The following GABARAPL2 variants were observed in gnomAD, a reference collection of about 807,000 sequenced individuals.
The protein encoded by GABARAPL2 is GABA type A receptor associated protein like 2.
Under a neutral mutation model 16.9 loss-of-function variants are expected in GABARAPL2, and 11 were observed. The ratio of observed to expected loss-of-function variants is 0.65; its 90% CI spans 0.41 to 1.08. GABARAPL2 has a LOEUF of 1.08. Among genes scored for constraint, GABARAPL2 ranks in the 50% least tolerant of loss-of-function variants. GABARAPL2 has a pLI of 0.00. For missense variants in GABARAPL2, 134 were observed against 142.5 expected (o/e 0.94, Z 0.30); for synonymous variants, 57 against 50.7 (o/e 1.12, Z -0.53).
chr16:75,568,998 G>A (rs1400417620), intron 3 of GABARAPL2, among the ~76,000 whole-genome samples: 1 of 152,024 alleles, frequency 6.6e-6, no homozygotes, highest in African/African-American at 2.4e-5. Flanking sequence ...CTGAGTGTGA[G>A]TTTCTGGCCA....
At chr16:75,572,742 T>TAGCTCCATGGCTTG (rs1266841771) in intron 3 of GABARAPL2, 3 of 152,236 alleles carry the variant, frequency 2.0e-5, no homozygotes, top group Admixed American at 6.5e-5. Flanking sequence ...CACCTTAGAT[T>TAGCTCCATGGCTTG]AGCTCCATGG....
At chr16:75,574,424 A>G (rs528083204) in intron 3 of GABARAPL2, among the ~76,000 whole-genome samples, 218 of 152,210 alleles carry the variant, frequency 1.4e-3, no homozygotes, top group Non-Finnish European at 2.6e-3. Context: ...CAGCGGGGAG[A>G]TGTTACGACA....
intron 3 of GABARAPL2, among the ~76,000 whole-genome samples, chr16:75,571,008 A>G (rs1016817811): frequency 3.9e-5 from 6 of 152,244 alleles, no homozygotes; most frequent in Admixed American, 1.3e-4. Flanking sequence ...TAGAACATAG[A>G]TAAGAGTCTT....
intron 3 of GABARAPL2, among the ~76,000 whole-genome samples, chr16:75,570,796 A>G (rs2080909899): frequency 6.6e-6 from 1 of 152,226 alleles, no homozygotes; most frequent in South Asian, 2.1e-4. Flanking sequence ...AGGGAATCAC[A>G]ATGGCCTTTT....
rs553557743 is a variant in GABARAPL2, at chr16:75,566,520, G to GGTAA, written c.34+2_34+5dup. On this transcript the variant is annotated frameshift_variant and splice_region_variant. Transcript: ENST00000037243. LOFTEE classifies it high-confidence loss of function. ...GATGTTCAAGGAGGACCACTCGCTG[G>GGTAA]GTAAGCACTTGGTCGTCGGCCCGGC... is the stretch of plus-strand genomic sequence containing the variant. 3.0e-4 allele frequency: 489 copies of GGTAA among 1,608,674 alleles called. No homozygotes were observed. The African/African-American group carries it at 5.9e-3, about 19-fold the overall frequency.
intron 3 of GABARAPL2, among the ~76,000 whole-genome samples, chr16:75,568,980 C>T (rs2080899963): frequency 6.6e-6 from 1 of 152,188 alleles, no homozygotes. Context: ...CCAGCCCCCA[C>T]CTCTCCCCTG....
At chr16:75,570,424 C>T (rs1325208395) in intron 3 of GABARAPL2, among the ~76,000 whole-genome samples, 3 of 152,194 alleles carry the variant, frequency 2.0e-5, no homozygotes, top group African/African-American at 4.8e-5. Flanking sequence ...ATTTAGCAGC[C>T]TCTTCCTCAG....
At chr16:75,575,399 G>A (rs1157326103) in intron 3 of GABARAPL2, among the ~76,000 whole-genome samples, 1 of 151,600 alleles carries the variant, frequency 6.6e-6, no homozygotes, top group East Asian at 1.9e-4. Flanking sequence ...AGGTTAAAGC[G>A]ATTCTCCGGC....
chr16:75,571,944 C>T (rs1026283581), intron 3 of GABARAPL2, among the ~76,000 whole-genome samples: 2 of 152,182 alleles, frequency 1.3e-5, no homozygotes. Context: ...TCCCAAAGTG[C>T]TGGGATTACA....
chr16:75,572,113 G>C (rs1235011143), intron 3 of GABARAPL2: 1 of 152,138 alleles, frequency 6.6e-6, no homozygotes, highest in Admixed American at 6.6e-5. Context: ...GGTGAGCCAA[G>C]ATCACGCCAC....
Position 75,566,389 on chromosome 16 carries a change from G to C in GABARAPL2, c.-98G>C. On this transcript the variant is annotated 5_prime_UTR_variant, in exon 1 of 4. Transcript: ENST00000037243. ...TCCCGCCTGCCGTGTAGTCGCCGCC[G>C]TCGCTGCCGCTGCCGCTGCCGCCGT... The C allele has an allele frequency of 1.1e-6, 1 of 915,168 alleles. No individual in the cohort carries two copies. The highest frequency in any genetic ancestry group is 1.7e-6 in the Non-Finnish European group (1 of 581,572). The allele number at this position is 915,168 out of a possible 1,614,324, so 56.7% of individuals were successfully genotyped here.
chr16:75,577,329 T>C lies in GABARAPL2; in HGVS notation c.314T>C (p.Leu105Ser), dbSNP rs1483139208. 2 of 1,612,928 alleles carry C rather than the reference T, an allele frequency of 1.2e-6. No homozygotes were observed. The highest frequency in any genetic ancestry group is 1.7e-6 in the Non-Finnish European group (2 of 1,179,002). Residue 105 changes from leucine to serine, a missense_variant, in exon 4 of 4, where the codon TTA becomes TCA. By Grantham distance (145) the Leu-to-Ser change is moderately radical. Coordinates refer to ENST00000037243, the MANE Select transcript of GABARAPL2 (RefSeq NM_007285.7). Reference sequence around the variant, plus strand: ...AAGGAAAAAGATGAAGATGGATTCTTATATGTGGCCTACAGCGGAGAGAAC... The same window carrying C: ...AAGGAAAAAGATGAAGATGGATTCTCATATGTGGCCTACAGCGGAGAGAAC... ...YEKEKDEDGF[L>S]YVAYSGENTF...
intron 3 of GABARAPL2, chr16:75,575,610 C>G (rs1053889660): frequency 6.6e-6 from 1 of 152,276 alleles, no homozygotes; most frequent in African/African-American, 2.4e-5. Context: ...CCACCACGCC[C>G]AGCTAATTTT....
At chr16:75,575,857 A>G (rs1417347561) in intron 3 of GABARAPL2, 2 of 152,222 alleles carry the variant, frequency 1.3e-5, no homozygotes, top group East Asian at 3.8e-4. Context: ...GACCCAGTAT[A>G]TCCATAATTT....
chr16:75,566,702 G>C, intron 1 of GABARAPL2, 150 bp from the exon 2 acceptor site: 1 of 966,890 alleles, frequency 1.0e-6, no homozygotes. Flanking sequence ...CGCGGGCCTT[G>C]CTGGGAGCTA....
chr16:75,568,932 C>T lies in GABARAPL2; in HGVS notation c.263+723C>T, dbSNP rs183966719. ...TCTAACCTCCTGGTCAGTCCTTTCC[C>T]GTTACTGAGTGGGTAGTTGTAGGCC... On this transcript the variant is annotated intron_variant, in intron 3 of 3. Coordinates refer to ENST00000037243, the MANE Select transcript of GABARAPL2 (RefSeq NM_007285.7). Among the ~76,000 whole-genome samples, 228 of 152,274 alleles carry T rather than the reference C, an allele frequency of 1.5e-3. 1 individual carries two copies. The highest frequency in any genetic ancestry group is 4.8e-3 in the African/African-American group (198 of 41,542).
At chr16:75,567,003 TC>T in intron 2 of GABARAPL2, 96 bp downstream of exon 2, 1 of 1,090,370 alleles carries the variant, frequency 9.2e-7, no homozygotes, top group Non-Finnish European at 1.4e-6. Context: ...AAGTTGAGGT[TC>T]CAGTCCCAGT....
intron 3 of GABARAPL2, 121 bp from the exon 4 acceptor site, chr16:75,577,158 T>G: frequency 1.5e-6 from 1 of 670,182 alleles, no homozygotes; most frequent in East Asian, 2.5e-5. Context: ...AAAACAGGAT[T>G]ATAAGCACAC....
chr16:75,570,401 C>G (rs564939955), intron 3 of GABARAPL2, among the ~76,000 whole-genome samples: 1 of 152,346 alleles, frequency 6.6e-6, no homozygotes, highest in South Asian at 2.1e-4. Context: ...TTCACCATCT[C>G]TTCCCCAAGA....
Sources: allele counts gnomAD v4.1 joint callset (sites outside exome capture counted in the v4.1 genomes callset), GRCh38; gene constraint gnomAD v4.1.1; transcripts MANE v1.5; gene names NCBI Gene and HGNC (gene_info 2026-07-23, HGNC 2026-07-21).